WAPL: variants seen among roughly 807,000 people sequenced by gnomAD.
The protein encoded by WAPL is wings apart-like protein homolog.
In WAPL, 5 loss-of-function variants were observed where a neutral mutation model predicts 121.0. That is an observed-to-expected ratio of 0.04 (90% confidence interval 0.02 to 0.09). The LOEUF is 0.09. WAPL is among the 10% of genes least tolerant of loss of function. The probability of loss-of-function intolerance (pLI) is 1.00; values close to 1 mark genes in which losing one functional copy is unlikely to be tolerated. For missense variants in WAPL, 999 were observed against 1,410.8 expected, an observed-to-expected ratio of 0.71 and a Z score of 4.68; for synonymous variants, 480 against 481.5, an observed-to-expected ratio of 1.00 and a Z score of 0.04.
intron 2 of WAPL, among the ~76,000 whole-genome samples, chr10:86,507,343 G>A (rs1400615916): frequency 1.4e-5 from 2 of 140,274 alleles, no homozygotes; most frequent in African/African-American, 5.5e-5. Flanking sequence ...ACTCCAGCCT[G>A]GGCGTCAGCG....
At chr10:86,447,751 TTGA>T (rs1271896399) in intron 15 of WAPL, among the ~76,000 whole-genome samples, 1 of 152,150 alleles carries the variant, frequency 6.6e-6, no homozygotes, top group African/African-American at 2.4e-5. Flanking sequence ...CAGACATACT[TTGA>T]AAAGTATGGC....
chr10:86,453,236 A>T lies in WAPL; in HGVS notation c.2933T>A (p.Phe978Tyr). The stretch of plus-strand genomic sequence containing the variant: ...TCAACTTACCAGCACTCGAATATCA[A>T]ATCTCTGCTCCTGAGGTAGGTACTT... ...VPKYLPQEQR[F>Y]DIRVLGLGLL... The change falls in exon 14 of 19, where the codon TTT (phenylalanine) becomes TAT (tyrosine). Residue 978 changes from phenylalanine to tyrosine, a missense_variant. Physicochemically the swap from Phe to Tyr is conservative, Grantham distance 22. Coordinates refer to ENST00000298767, the MANE Select transcript of WAPL (RefSeq NM_015045.5). The T allele has an allele frequency of 6.2e-7, 1 of 1,614,060 alleles. No homozygotes were observed. The highest frequency in any genetic ancestry group is 8.5e-7 in the Non-Finnish European group (1 of 1,179,996).
rs1336398538 is a variant in WAPL, at chr10:86,510,068, C to A, written c.499+7503G>T. Among the ~76,000 whole-genome samples the A allele has an allele frequency of 1.0e-4, 6 of 57,200 alleles. No individual in the cohort carries two copies. The South Asian group carries it at 4.8e-3, about 45-fold the overall frequency. The allele number at this position is 57,200 out of a possible 152,430, so 37.5% of individuals were successfully genotyped here. On this transcript the variant is annotated intron_variant, in intron 2 of 18. Coordinates refer to ENST00000298767, the MANE Select transcript of WAPL (RefSeq NM_015045.5). ...ACAGGCATCAGCCACTCCACCCGGC[C>A]TTTTTTTTTTTTTTTTTTTTTTTTG...
chr10:86,436,798 A>G lies in WAPL; in HGVS notation c.*745T>C, dbSNP rs1035957571. 2 of 152,680 alleles carry G rather than the reference A, an allele frequency of 1.3e-5. No homozygotes were observed. Among genetic ancestry groups the G allele is most frequent in the Admixed American group, 6.5e-5 (1 of 15,276 alleles). 9.5% of individuals were successfully genotyped at this position (152,680 alleles called of 1,614,324 possible). A position where few individuals can be genotyped will look rare whatever the true frequency, so the allele number is the denominator to read the frequency against. On this transcript the variant is annotated 3_prime_UTR_variant, in exon 19 of 19. Transcript: ENST00000298767. ...CTTTTAACAGGGCACATCATCTTAT[A>G]TAATATTCTCTCAAACTGTTGTTTT...
intron 2 of WAPL, among the ~76,000 whole-genome samples, chr10:86,502,684 T>C: frequency 6.6e-6 from 1 of 152,178 alleles, no homozygotes; most frequent in East Asian, 1.9e-4. Flanking sequence ...TACCCTCTTA[T>C]AAGAAAATGA....
At chr10:86,509,889 G>A (rs925046041) in intron 2 of WAPL, among the ~76,000 whole-genome samples, 3 of 146,410 alleles carry the variant, frequency 2.0e-5, no homozygotes, top group South Asian at 2.2e-4. Context: ...CTCAGGCTCC[G>A]GACTAGCTGG....
At chr10:86,497,344 A>C in intron 3 of WAPL, 25 bp from the exon 4 acceptor site, 1 of 1,528,224 alleles carries the variant, frequency 6.5e-7, no homozygotes, top group Non-Finnish European at 9.0e-7. Flanking sequence ...AAAACTATCT[A>C]GCTTACTAAT....
intron 4 of WAPL, among the ~76,000 whole-genome samples, chr10:86,496,070 T>C (rs1842144445): frequency 6.6e-6 from 1 of 152,132 alleles, no homozygotes; most frequent in African/African-American, 2.4e-5. Flanking sequence ...GCCAAGATTG[T>C]GCTACCGCAC....
intron 12 of WAPL, among the ~76,000 whole-genome samples, chr10:86,455,733 A>AAAAGAAAAAAAG (rs1841130674): frequency 6.6e-6 from 1 of 150,724 alleles, no homozygotes; most frequent in African/African-American, 2.5e-5. Context: ...GAAAACAAAT[A>AAAAGAAAAAAAG]AAAATTTGCT....
intron 17 of WAPL, among the ~76,000 whole-genome samples, chr10:86,438,498 C>A (rs1367876697): frequency 1.3e-5 from 2 of 152,190 alleles, no homozygotes; most frequent in African/African-American, 2.4e-5. Context: ...AAGTAATCCA[C>A]GCACCTTGGC....
In WAPL at chr10:86,460,435, T is replaced by C. The variant is rs1841242319; in HGVS notation, c.2544A>G (p.Leu848=). The C allele has an allele frequency of 2.5e-6, 4 of 1,613,844 alleles. No homozygotes were observed. The highest frequency in any genetic ancestry group is 2.2e-5 in the South Asian group (2 of 91,048). ...DEDEEKLVAS[L]WGAERCLRVL... The stretch of plus-strand genomic sequence containing the variant: ...CTCGTAAACATCTCTCTGCTCCCCA[T>C]AGTGAGGCTACCAGTTTCTCTTCAT... Residue 848 remains leucine (L), a synonymous_variant, in exon 11 of 19, where the codon CTA becomes CTG. Coordinates refer to ENST00000298767, the MANE Select transcript of WAPL (RefSeq NM_015045.5).
intron 17 of WAPL, among the ~76,000 whole-genome samples, chr10:86,438,340 AC>A: frequency 6.8e-6 from 1 of 148,004 alleles, no homozygotes; most frequent in East Asian, 2.0e-4. Context: ...TGCAACCTCT[AC>A]CTCCTGGGTT....
At position 86,521,445 on chromosome 10, in the gene WAPL, C is replaced by T. The variant is rs756712007; in HGVS notation, c.-103G>A. The T allele has an allele frequency of 5.4e-5, 17 of 312,134 alleles. No individual in the cohort carries two copies. The highest frequency in any genetic ancestry group is 3.2e-4 in the South Asian group (13 of 40,820). The allele number at this position is 312,134 out of a possible 1,614,324, so 19.3% of individuals were successfully genotyped here. A position where few individuals can be genotyped will look rare whatever the true frequency, so the allele number is the denominator to read the frequency against. On this transcript the variant is annotated 5_prime_UTR_variant, in exon 1 of 19. Coordinates refer to ENST00000298767, the MANE Select transcript of WAPL (RefSeq NM_015045.5). ...TACGGCCCGCGGGCGGGCGCGGAAC[C>T]CTCGCGCGGGAGAGCAGGGCCGGCA...
intron 9 of WAPL, among the ~76,000 whole-genome samples, chr10:86,464,342 A>G (rs924529260): frequency 6.6e-6 from 1 of 152,234 alleles, no homozygotes; most frequent in Non-Finnish European, 1.5e-5. Context: ...TAAATTCAAC[A>G]AAACATAAGA....
chr10:86,460,940 C>T (rs1253171970), intron 10 of WAPL, among the ~76,000 whole-genome samples: 2 of 152,062 alleles, frequency 1.3e-5, no homozygotes, highest in African/African-American at 2.4e-5. Flanking sequence ...CTCAAACTCC[C>T]GACCTCAGGT....
At chr10:86,440,595 G>A (rs908608164) in intron 17 of WAPL, among the ~76,000 whole-genome samples, 3 of 152,064 alleles carry the variant, frequency 2.0e-5, no homozygotes, top group Admixed American at 6.6e-5. Flanking sequence ...CACTGCGCCC[G>A]GCCTTTTTTC....
chr10:86,465,263 G>A (rs916765711), intron 9 of WAPL, among the ~76,000 whole-genome samples: 1 of 152,016 alleles, frequency 6.6e-6, no homozygotes, highest in Non-Finnish European at 1.5e-5. Context: ...CGCCAATCTC[G>A]GCTCACTGAA....
chr10:86,487,334 G>T (rs1841947865), intron 4 of WAPL, among the ~76,000 whole-genome samples: 1 of 152,106 alleles, frequency 6.6e-6, no homozygotes, highest in Non-Finnish European at 1.5e-5. Context: ...AAAGTACCAA[G>T]AACTGCTCAA....
At chr10:86,444,310 A>G (rs896653444) in intron 16 of WAPL, among the ~76,000 whole-genome samples, 3 of 152,220 alleles carry the variant, frequency 2.0e-5, no homozygotes, top group Non-Finnish European at 4.4e-5. Flanking sequence ...GTTAAAACAC[A>G]CAGTTACATA....
Sources: gnomAD v4.1 joint callset for allele counts (sites outside exome capture counted in the v4.1 genomes callset) on GRCh38, gnomAD v4.1.1 for gene constraint, MANE v1.5 for transcripts, NCBI Gene and HGNC (gene_info 2026-07-23, HGNC 2026-07-21) for gene names.